ANKRD36C: variants seen among roughly 807,000 people sequenced by gnomAD.
ANKRD36C encodes ankyrin repeat domain 36C.
A neutral mutation model predicts 276.4 loss-of-function variants in ANKRD36C; 61 were observed. The ratio of observed to expected loss-of-function variants is 0.22; its 90% CI spans 0.18 to 0.27. The LOEUF (loss-of-function observed/expected upper bound fraction) is 0.27, where lower values mean the gene tolerates loss of function less well. ANKRD36C is among the 10% of genes least tolerant of loss of function. ANKRD36C has a pLI of 1.00. For missense variants in ANKRD36C, 1,447 were observed against 2,032.3 expected, an observed-to-expected ratio of 0.71 and a Z score of 5.54; for synonymous variants, 483 against 680.1, an observed-to-expected ratio of 0.71 and a Z score of 4.51.
At position 95,923,345 on chromosome 2, in the gene ANKRD36C, G is replaced by A. The variant is rs542253140; in HGVS notation, c.2143+150C>T. ...CATGTCCAAGACCAGCAGCATCAGC[G>A]TCACCCGAGAACTTATTACAAATGA... On this transcript the variant is annotated intron_variant, in intron 32 of 66. Transcript: ENST00000456556. 1.1e-3 allele frequency: 1,210 copies of A among 1,055,110 alleles called. 6 individuals are homozygous for A. The African/African-American group carries it at 0.017, about 15-fold the overall frequency. The allele number at this position is 1,055,110 out of a possible 1,614,324, so 65.4% of individuals were successfully genotyped here.
chr2:95,885,931 C>T (rs1573739887), intron 52 of ANKRD36C, 117 bp downstream of exon 72: 1 of 1,538,598 alleles, frequency 6.5e-7, no homozygotes. Flanking sequence ...AATGAAGAAT[C>T]TCAAGCATGC....
intron 56 of ANKRD36C, 134 bp downstream of exon 76, chr2:95,882,168 G>A (rs1424782826): frequency 1.3e-6 from 1 of 748,520 alleles, no homozygotes; most frequent in African/African-American, 1.8e-5. Flanking sequence ...TGACAACTCA[G>A]TAGAAATGCA....
intron 38 of ANKRD36C, 144 bp from the exon 41 acceptor site, chr2:95,914,447 A>G: frequency 1.9e-6 from 2 of 1,080,430 alleles, no homozygotes; most frequent in East Asian, 5.2e-5. Context: ...TCTGGGGACT[A>G]GAACATGATA....
intron 17 of ANKRD36C, among the ~76,000 whole-genome samples, chr2:95,946,550 A>G (rs1382387638): frequency 6.9e-6 from 1 of 144,938 alleles, no homozygotes; most frequent in Non-Finnish European, 1.5e-5. Context: ...CAGCCATCCC[A>G]TTACTGGGTA....
At chr2:95,854,734 G>T (rs1675369401) in intron 63 of ANKRD36C, among the ~76,000 whole-genome samples, 1 of 152,168 alleles carries the variant, frequency 6.6e-6, no homozygotes, top group Non-Finnish European at 1.5e-5. Flanking sequence ...ATTTGAGATT[G>T]AAATAGTTTC....
chr2:95,879,584 A>G (rs1469811837), intron 58 of ANKRD36C, among the ~76,000 whole-genome samples: 1 of 152,148 alleles, frequency 6.6e-6, no homozygotes, highest in Admixed American at 6.6e-5. Context: ...CCTACAATTT[A>G]CTCATTAAAA....
In ANKRD36C at chr2:95,930,086, T is replaced by A. The variant is rs537813378; in HGVS notation, c.1736-819A>T. On this transcript the variant is annotated intron_variant, in intron 24 of 66. Transcript: ENST00000456556. Reference sequence around the variant, plus strand: ...TGAAAATAACCATTTGGGATTCAAGTAATGAATTCAACATTATTTTCACTT... The same window carrying A: ...TGAAAATAACCATTTGGGATTCAAGAAATGAATTCAACATTATTTTCACTT... Among the ~76,000 whole-genome samples, 10 of 151,800 alleles carry A rather than the reference T, an allele frequency of 6.6e-5. No individual in the cohort carries two copies. The East Asian group carries it at 1.9e-3, about 30-fold the overall frequency.
chr2:95,921,494 G>C (rs1337287439), intron 34 of ANKRD36C, 113 bp downstream of exon 34: 2 of 1,407,596 alleles, frequency 1.4e-6, no homozygotes, highest in African/African-American at 1.5e-5. Context: ...TACTGAATCA[G>C]AATGTGCAGC....
chr2:95,989,808 T>C (rs1485830306), intron 1 of ANKRD36C, among the ~76,000 whole-genome samples: 1 of 152,212 alleles, frequency 6.6e-6, no homozygotes, highest in African/African-American at 2.4e-5. Context: ...AATTTGTGGA[T>C]AGAAAATAGT....
chr2:95,991,792 A>C (rs971985829), exon 1 of ANKRD36C: 190 of 1,341,202 alleles, frequency 1.4e-4, no homozygotes, highest in Middle Eastern at 1.1e-3. Context: ...ACAACAGGCA[A>C]AGCAGTCTGT....
At chr2:95,973,256 A>G (rs1250644951) in intron 6 of ANKRD36C, among the ~76,000 whole-genome samples, 2 of 152,028 alleles carry the variant, frequency 1.3e-5, no homozygotes, top group African/African-American at 4.8e-5. Flanking sequence ...TACTAAAAAT[A>G]TAAAAATTAG....
intron 26 of ANKRD36C, among the ~76,000 whole-genome samples, chr2:95,928,198 G>T (rs368133206): frequency 3.3e-5 from 5 of 151,620 alleles, no homozygotes; most frequent in African/African-American, 1.2e-4. Flanking sequence ...AATCACCACT[G>T]TAGGAGTTAA....
rs1676514735 is a variant in ANKRD36C, at chr2:95,895,606, GATAC to G, written c.2755+3535_2755+3538del. ...CGAGAAGACACTGAAAAGCAAAAGGGATACATAATCACTCACATGTAAATATGAT... is the reference window on the plus strand; with the variant it reads ...CGAGAAGACACTGAAAAGCAAAAGGGATAATCACTCACATGTAAATATGAT... On this transcript the variant is annotated intron_variant, in intron 44 of 66. Transcript: ENST00000456556. 1.3e-6 allele frequency: 2 copies of G among 1,560,318 alleles called. No homozygotes were observed. The highest frequency in any genetic ancestry group is 1.7e-6 in the Non-Finnish European group (2 of 1,150,348).
intron 3 of ANKRD36C, among the ~76,000 whole-genome samples, chr2:95,984,171 G>A (rs529035368): frequency 8.2e-4 from 125 of 151,648 alleles, no homozygotes; most frequent in Non-Finnish European, 1.5e-3. Flanking sequence ...AAAATGTCTT[G>A]AAAACCTTGA....
Position 95,912,402 on chromosome 2 carries a change from A to C in ANKRD36C, c.2580+5T>G, listed in dbSNP as rs1347043939. 6.2e-7 allele frequency: 1 copy of C among 1,604,054 alleles called. No individual in the cohort carries two copies. Among genetic ancestry groups the C allele is most frequent in the African/African-American group, 1.3e-5 (1 of 74,572 alleles). On this transcript the variant is annotated splice_donor_5th_base_variant and intron_variant, in intron 41 of 66. Transcript: ENST00000456556. ...AGCTCACAATATGAATGAGAGTTTC[A>C]TTACCTTCAAGGCTGGTTTTTTCCG...
intron 20 of ANKRD36C, 40 bp from the exon 21 acceptor site, chr2:95,939,055 T>C: frequency 6.6e-7 from 1 of 1,515,940 alleles, no homozygotes; most frequent in African/African-American, 1.4e-5. Context: ...TACAGGTAAA[T>C]ATGACACAGC....
At chr2:95,985,146 C>T (rs1424053017) in intron 3 of ANKRD36C, among the ~76,000 whole-genome samples, 1 of 152,184 alleles carries the variant, frequency 6.6e-6, no homozygotes, top group Non-Finnish European at 1.5e-5. Context: ...TCCACAATAG[C>T]AAATTTCTAA....
intron 60 of ANKRD36C, among the ~76,000 whole-genome samples, chr2:95,864,914 A>C (rs1165729054): frequency 6.6e-6 from 1 of 152,116 alleles, no homozygotes; most frequent in Non-Finnish European, 1.5e-5. Flanking sequence ...AGAACTAATA[A>C]GTGAGTTTAA....
intron 59 of ANKRD36C, among the ~76,000 whole-genome samples, chr2:95,873,076 T>C (rs1351555819): frequency 1.3e-5 from 2 of 152,190 alleles, no homozygotes; most frequent in Admixed American, 1.3e-4. Context: ...ACAGCCGAAT[T>C]CTACCAGAGG....
Sources: allele counts gnomAD v4.1 joint callset (sites outside exome capture counted in the v4.1 genomes callset), GRCh38; gene constraint gnomAD v4.1.1; transcripts MANE v1.5; gene names NCBI Gene and HGNC (gene_info 2026-07-23, HGNC 2026-07-21).